SFPQ: variants seen among roughly 807,000 people sequenced by gnomAD.
The protein encoded by SFPQ is splicing factor, proline- and glutamine-rich.
A neutral mutation model predicts 72.9 loss-of-function variants in SFPQ; 11 were observed. The observed-to-expected ratio is 0.15, with a 90% CI of 0.09 to 0.25. SFPQ has a LOEUF of 0.25. Among genes scored for constraint, SFPQ ranks in the 10% least tolerant of loss-of-function variants. SFPQ has a pLI of 1.00. For synonymous variants in SFPQ, 506 were observed against 367.3 expected (o/e 1.38, Z -4.32); for missense variants, 847 against 993.3 (o/e 0.85, Z 1.98).
At chr1:35,182,577 T>C (rs1639515310), downstream of SFPQ, 3 of 985,304 alleles carry the variant, frequency 3.0e-6, no homozygotes, top group South Asian at 4.7e-5. Context: ...GTTCCAACAA[T>C]AGGTCTCCTT....
rs1342555234 is a variant in SFPQ, at chr1:35,192,270, CG to C, written c.779del (p.Pro260ArgfsTer26). ...PYHQQHHQGP[P>X]PGGPGGRSEE... The stretch of plus-strand genomic sequence containing the variant: ...CGCTGCGGCCGCCGGGCCCGCCGGG[CG>C]GGGGCCCCTGGTGATGCTGCTGGTG... On this transcript the variant is annotated frameshift_variant, in exon 1 of 10. Transcript: ENST00000357214. LOFTEE classifies it high-confidence loss of function. 1.4e-6 allele frequency: 2 copies of C among 1,463,510 alleles called. No homozygotes were observed. The highest frequency in any genetic ancestry group is 1.3e-5 in the South Asian group (1 of 76,886). 90.7% of individuals were successfully genotyped at this position (1,463,510 alleles called of 1,614,324 possible).
At chr1:35,189,117 T>G in intron 5 of SFPQ, 30 bp from the exon 6 acceptor site, 1 of 1,613,524 alleles carries the variant, frequency 6.2e-7, no homozygotes, top group Non-Finnish European at 8.5e-7. Flanking sequence ...TGGATTCACA[T>G]TAACAAGGTT....
chr1:35,191,564 A>G (rs1570139598), intron 1 of SFPQ, 35 bp from the exon 2 acceptor site: 2 of 1,516,980 alleles, frequency 1.3e-6, no homozygotes, highest in Admixed American at 1.9e-5. Flanking sequence ...CAAACACCAG[A>G]GACCTCTGCA....
downstream of SFPQ, chr1:35,177,989 T>G (rs1377282430): frequency 7.9e-7 from 1 of 1,264,492 alleles, no homozygotes; most frequent in African/African-American, 1.6e-5. Context: ...GGAAACTTAC[T>G]TCATGTGAAT....
chr1:35,182,279 T>C, downstream of SFPQ: 2 of 985,356 alleles, frequency 2.0e-6, no homozygotes, highest in Non-Finnish European at 2.4e-6. Flanking sequence ...CTGTAATGGA[T>C]TCCTTTCTAA....
At chr1:35,187,861 A>G in intron 7 of SFPQ, 112 bp downstream of exon 7, 1 of 713,610 alleles carries the variant, frequency 1.4e-6, no homozygotes, top group Non-Finnish European at 2.5e-6. Flanking sequence ...ACTTTGTTAG[A>G]AAAAAAGCAG....
chr1:35,181,626 T>A (rs1402150640), downstream of SFPQ: 1 of 1,060,064 alleles, frequency 9.4e-7, no homozygotes, highest in Non-Finnish European at 1.1e-6. Context: ...TTAGGAGAAG[T>A]ATAAAAAACA....
chr1:35,185,912 T>C (rs2148615085), intron 9 of SFPQ, among the ~76,000 whole-genome samples: 1 of 152,282 alleles, frequency 6.6e-6, no homozygotes, highest in Middle Eastern at 3.4e-3. Flanking sequence ...CCTTTAATTG[T>C]GAGAACATAA....
downstream of SFPQ, chr1:35,180,171 A>G: frequency 9.5e-7 from 1 of 1,050,630 alleles, no homozygotes; most frequent in Non-Finnish European, 1.1e-6. Context: ...AAAGTAAACC[A>G]CTTTCCAGTT....
At position 35,184,457 on chromosome 1, in the gene SFPQ, TA is replaced by T; in HGVS notation, c.2122del (p.Ter708ArgfsTer5). ...YEGPNKKPRF* is the reference protein window; with the variant it reads ...YEGPNKKPRFX The stretch of plus-strand genomic sequence containing the variant: ...GGAATGAAAGCCTAAATATCACATC[TA>T]AAATCGGGGTTTTTTGTTTGGGCCT... On this transcript the variant is annotated frameshift_variant and stop_lost, in exon 10 of 10. Transcript: ENST00000357214. LOFTEE classifies it high-confidence loss of function. 1 of 1,607,786 alleles carries T rather than the reference TA, an allele frequency of 6.2e-7. No homozygotes were observed. The highest frequency in any genetic ancestry group is 8.5e-7 in the Non-Finnish European group (1 of 1,178,018).
At chr1:35,180,135 C>G (rs1326080115), downstream of SFPQ, 1 of 1,049,018 alleles carries the variant, frequency 9.5e-7, no homozygotes, top group African/African-American at 1.7e-5. Flanking sequence ...GTCTCATAGT[C>G]ATGAAGTTTT....
Position 35,192,763 on chromosome 1 carries a change from T to TGCTGATGCG in SFPQ, c.278_286dup (p.Pro93_Gln95dup). ...CTGCGGCGGTGGCGGCGGCTGCTGCTGCTGATGCGGCTGTGGATGCGGCGG... is the reference window on the plus strand; with the variant it reads ...CTGCGGCGGTGGCGGCGGCTGCTGCTGCTGATGCGGCTGATGCGGCTGTGGATGCGGCGG... On this transcript the variant is annotated inframe_insertion, in exon 1 of 10. Transcript: ENST00000357214. The TGCTGATGCG allele has an allele frequency of 1.3e-6, 2 of 1,499,636 alleles. No homozygotes were observed. The highest frequency in any genetic ancestry group is 1.8e-6 in the Non-Finnish European group (2 of 1,130,110). 92.9% of individuals were successfully genotyped at this position (1,499,636 alleles called of 1,614,324 possible).
In SFPQ at chr1:35,189,442, G is replaced by A; in HGVS notation, c.1416-60C>T. On this transcript the variant is annotated intron_variant, in intron 4 of 9. Transcript: ENST00000357214. ...TGTGAATGCATACCAGAAAATACTTGCCCTAGTACTGATCTTTTTCCTGTT... is the reference window on the plus strand; with the variant it reads ...TGTGAATGCATACCAGAAAATACTTACCCTAGTACTGATCTTTTTCCTGTT... The A allele has an allele frequency of 3.8e-6, 5 of 1,300,744 alleles. No homozygotes were observed. In the South Asian group the frequency reaches 5.3e-5, roughly 14 times the overall value. 80.6% of individuals were successfully genotyped at this position (1,300,744 alleles called of 1,614,324 possible).
intron 6 of SFPQ, 34 bp downstream of exon 6, chr1:35,188,969 T>C: frequency 5.1e-6 from 8 of 1,553,472 alleles, no homozygotes; most frequent in South Asian, 2.2e-5. Context: ...AAGAAAAAAA[T>C]AAATGAAGGC....
In SFPQ at chr1:35,193,010, C is replaced by G; in HGVS notation, c.40G>C (p.Gly14Arg). 1 of 1,577,032 alleles carries G rather than the reference C, an allele frequency of 6.3e-7. No individual in the cohort carries two copies. Among genetic ancestry groups the G allele is most frequent in the Non-Finnish European group, 8.5e-7 (1 of 1,169,868 alleles). ...DRFRSRGGGG[G>R]GFHRRGGGGG... is the part of the protein sequence containing the mutation. ...CCTCCTCCACGCCTGTGGAAGCCAC[C>G]ACCGCCACCGCCACGACTCCGGAAC... is the stretch of plus-strand genomic sequence containing the variant. The change falls in exon 1 of 10, where the codon GGT becomes CGT. Residue 14 changes from glycine (G) to arginine (R), a missense_variant. Physicochemically the swap from Gly to Arg is moderately radical, Grantham distance 125 (BLOSUM62 -2). Around this residue, in one of 6 missense-constraint regions of SFPQ, gnomAD observed 19 missense variants for 43.8 expected, o/e 0.43. Transcript: ENST00000357214.
chr1:35,190,369 ATT>A (rs924490606), intron 4 of SFPQ, 127 bp downstream of exon 4: 36 of 657,484 alleles, frequency 5.5e-5, no homozygotes, highest in Non-Finnish European at 6.7e-5. Context: ...TCAGCCTGAG[ATT>A]TTTTACTAAT....
rs757299443 is a variant in SFPQ at position 35,191,006 on chromosome 1, G to A, written c.1018-11C>T. ...CAAAGCTCTAGATTCCTGTGTATCA[G>A]AGACACTCATGTTAATGACCTCAAA... On this transcript the variant is annotated splice_polypyrimidine_tract_variant and intron_variant, in intron 2 of 9. Coordinates refer to ENST00000357214, the MANE Select transcript of SFPQ (RefSeq NM_005066.3). 1.2e-6 allele frequency: 2 copies of A among 1,608,244 alleles called. No homozygotes were observed. Among genetic ancestry groups the A allele is most frequent in the African/African-American group, 1.3e-5 (1 of 74,714 alleles).
downstream of SFPQ, chr1:35,180,689 T>A: frequency 9.5e-7 from 1 of 1,056,530 alleles, no homozygotes; most frequent in Non-Finnish European, 1.1e-6. Flanking sequence ...TTACCAAGAT[T>A]GCATAATGAA....
chr1:35,181,451 G>C, downstream of SFPQ: 1 of 1,063,580 alleles, frequency 9.4e-7, no homozygotes, highest in Non-Finnish European at 1.1e-6. Context: ...GTTTATATTA[G>C]TGGTACAATA....
Sources: gnomAD v4.1 joint callset for allele counts (sites outside exome capture counted in the v4.1 genomes callset) on GRCh38, gnomAD v4.1.1 for gene constraint, gnomAD v4.1.1 regional missense constraint, MANE v1.5 for transcripts, NCBI Gene and HGNC (gene_info 2026-07-23, HGNC 2026-07-21) for gene names.